Variants in REDIC1 observed in about 807,000 individuals in gnomAD.
REDIC1 encodes the protein regulator of DNA class I crossover intermediates 1.
At chr12:39,846,293 T>G in the REDIC1 span, among the ~76,000 whole-genome samples, 1 of 152,236 alleles carries the variant, frequency 6.6e-6, no homozygotes, top group South Asian at 2.1e-4. Flanking sequence ...AAAGGGTACA[T>G]TACACCCTCC....
the REDIC1 span, among the ~76,000 whole-genome samples, chr12:39,769,888 T>C: frequency 6.6e-6 from 1 of 152,102 alleles, no homozygotes; most frequent in Non-Finnish European, 1.5e-5. Context: ...CTAACTTTTA[T>C]GTGGTCTTTT....
the REDIC1 span, among the ~76,000 whole-genome samples, chr12:39,865,066 T>C: frequency 1.3e-5 from 2 of 152,180 alleles, no homozygotes; most frequent in South Asian, 2.1e-4. Context: ...TTATCAGAAC[T>C]ATTCACTAGC....
the REDIC1 span, among the ~76,000 whole-genome samples, chr12:39,803,667 G>A: frequency 1.3e-5 from 2 of 152,106 alleles, no homozygotes; most frequent in Non-Finnish European, 2.9e-5. Context: ...TGAACTGGAT[G>A]AATGATCTGA....
At chr12:39,789,664 C>A in the REDIC1 span, among the ~76,000 whole-genome samples, 1 of 152,166 alleles carries the variant, frequency 6.6e-6, no homozygotes. Flanking sequence ...AAGATTCTCA[C>A]TAGCAGTAGA....
At chr12:39,837,661 C>T in the REDIC1 span, among the ~76,000 whole-genome samples, 5 of 151,228 alleles carry the variant, frequency 3.3e-5, no homozygotes, top group Admixed American at 1.3e-4. Flanking sequence ...ACAAACAACC[C>T]CATCAAAAAG....
At chr12:39,747,985 A>T in the REDIC1 span, among the ~76,000 whole-genome samples, 1 of 152,252 alleles carries the variant, frequency 6.6e-6, no homozygotes, top group Non-Finnish European at 1.5e-5. Context: ...GCCAAATTGT[A>T]AAGACCATTG....
chr12:39,661,892 A>G, the REDIC1 span, among the ~76,000 whole-genome samples: 1 of 152,074 alleles, frequency 6.6e-6, no homozygotes, highest in African/African-American at 2.4e-5. Flanking sequence ...ACCCAGCACC[A>G]TTTATTGAAG....
At chr12:39,713,508 A>G in the REDIC1 span, among the ~76,000 whole-genome samples, 1 of 149,712 alleles carries the variant, frequency 6.7e-6, no homozygotes. Context: ...ATACATATGT[A>G]TACATGCGTG....
chr12:39,899,674 T>C, the REDIC1 span, among the ~76,000 whole-genome samples: 1 of 152,162 alleles, frequency 6.6e-6, no homozygotes, highest in African/African-American at 2.4e-5. Context: ...GATTCTGGTA[T>C]GTTGTGTCTT....
At chr12:39,696,315 G>A in the REDIC1 span, among the ~76,000 whole-genome samples, 8 of 151,000 alleles carry the variant, frequency 5.3e-5, no homozygotes, top group South Asian at 2.1e-4. Context: ...AGGCCGAGGC[G>A]GGCGGATCAC....
chr12:39,803,428 T>G, the REDIC1 span, among the ~76,000 whole-genome samples: 1 of 151,822 alleles, frequency 6.6e-6, no homozygotes, highest in Non-Finnish European at 1.5e-5. Context: ...AAACTATCAC[T>G]TAGGAGCAAA....
At chr12:39,809,271 T>A in the REDIC1 span, among the ~76,000 whole-genome samples, 124 of 152,364 alleles carry the variant, frequency 8.1e-4, no homozygotes, top group African/African-American at 2.8e-3. Flanking sequence ...CCTTGATGTT[T>A]ATGTCTATTT....
chr12:39,626,363 A>G, the REDIC1 span: 1 of 1,614,154 alleles, frequency 6.2e-7, no homozygotes, highest in African/African-American at 1.3e-5. Flanking sequence ...GGTCCCGGTA[A>G]GTTGTGCAGC....
At chr12:39,833,590 C>G in the REDIC1 span, among the ~76,000 whole-genome samples, 1 of 152,052 alleles carries the variant, frequency 6.6e-6, no homozygotes, top group African/African-American at 2.4e-5. Context: ...ACTTTTCAAC[C>G]TCTAGACTAT....
the REDIC1 span, among the ~76,000 whole-genome samples, chr12:39,869,007 G>T: frequency 6.6e-6 from 1 of 151,950 alleles, no homozygotes; most frequent in African/African-American, 2.4e-5. Context: ...ATCATAGTAA[G>T]AACACAAAAT....
chr12:39,816,876 A>T, the REDIC1 span, among the ~76,000 whole-genome samples: 1 of 152,180 alleles, frequency 6.6e-6, no homozygotes, highest in Admixed American at 6.5e-5. Context: ...AATTTGAAAG[A>T]CTAATAAAAA....
At chr12:39,741,298 T>TAA in the REDIC1 span, among the ~76,000 whole-genome samples, 3 of 151,358 alleles carry the variant, frequency 2.0e-5, no homozygotes, top group Non-Finnish European at 3.0e-5. Flanking sequence ...TCCTCTCCTT[T>TAA]AAAAAAAAAT....
the REDIC1 span, among the ~76,000 whole-genome samples, chr12:39,641,147 T>G: frequency 6.6e-6 from 1 of 151,908 alleles, no homozygotes; most frequent in Non-Finnish European, 1.5e-5. Flanking sequence ...GCCACGTATT[T>G]TGCTCAGTCA....
the REDIC1 span, among the ~76,000 whole-genome samples, chr12:39,702,363 A>G: frequency 6.6e-6 from 1 of 152,098 alleles, no homozygotes. Context: ...CAACACATAC[A>G]CCCTCCCAAG....
Sources: allele counts gnomAD v4.1 joint callset (sites outside exome capture counted in the v4.1 genomes callset), GRCh38; gene constraint gnomAD v4.1.1; transcripts MANE v1.5; gene names NCBI Gene and HGNC (gene_info 2026-07-23, HGNC 2026-07-21).